ERC1: variants seen among roughly 807,000 people sequenced by gnomAD.
ERC1 encodes the protein ELKS/RAB6-interacting/CAST family member 1.
Under a neutral mutation model 132.0 loss-of-function variants are expected in ERC1, and 56 were observed. That is an observed-to-expected ratio of 0.42 (90% CI 0.34 to 0.53). The LOEUF is 0.53. Ranked by LOEUF, ERC1 falls within the 20% of genes least tolerant of loss-of-function variation. The pLI is 0.03. For synonymous variants in ERC1, 478 were observed against 476.1 expected, an observed-to-expected ratio of 1.00 and a Z score of -0.05; for missense variants, 1,202 against 1,349.9, an observed-to-expected ratio of 0.89 and a Z score of 1.72.
intron 13 of ERC1, among the ~76,000 whole-genome samples, chr12:1,243,165 G>A (rs1193689144): frequency 4.1e-5 from 6 of 145,764 alleles, no homozygotes; most frequent in African/African-American, 1.3e-4. Flanking sequence ...CCGCAGTCCG[G>A]CCTGGGCGAC....
At chr12:1,407,206 A>G (rs1591832719) in intron 16 of ERC1, among the ~76,000 whole-genome samples, 1 of 152,184 alleles carries the variant, frequency 6.6e-6, no homozygotes. Flanking sequence ...AGGGTTGAGG[A>G]GAAGGATTTC....
In ERC1 at chr12:1,338,956, T is replaced by C. The variant is rs1024547344; in HGVS notation, c.2781-32877T>C. 3.9e-5 allele frequency among the ~76,000 whole-genome samples: 6 copies of C among 152,228 alleles called. No homozygotes were observed. In the East Asian group the frequency reaches 1.2e-3, roughly 29 times the overall value. On this transcript the variant is annotated intron_variant, in intron 15 of 18. Transcript: ENST00000360905. ...GAAGTGCTCCACGATCACTGGTCAC[T>C]ACACTCTAATGGGTGGTGTCTGCCA...
chr12:1,097,407 T>G (rs1944171819), intron 3 of ERC1, among the ~76,000 whole-genome samples: 1 of 152,182 alleles, frequency 6.6e-6, no homozygotes, highest in East Asian at 1.9e-4. Context: ...AGAATAGCCT[T>G]TTCTCTAGGC....
intron 8 of ERC1, among the ~76,000 whole-genome samples, chr12:1,178,061 A>G (rs1160149013): frequency 6.6e-6 from 1 of 152,164 alleles, no homozygotes; most frequent in African/African-American, 2.4e-5. Context: ...TCAGTGGTTC[A>G]CCCATACGAT....
At chr12:1,259,520 CTTTT>C (rs201786277) in intron 13 of ERC1, among the ~76,000 whole-genome samples, 5 of 113,908 alleles carry the variant, frequency 4.4e-5, no homozygotes, top group Admixed American at 3.5e-4. Flanking sequence ...TTCTTTCTTT[CTTTT>C]TTTTTTTTTT....
At chr12:1,072,140 T>C (rs952895720) in intron 2 of ERC1, among the ~76,000 whole-genome samples, 3 of 151,436 alleles carry the variant, frequency 2.0e-5, no homozygotes, top group Non-Finnish European at 4.4e-5. Flanking sequence ...GCTGAAGTGA[T>C]ATGAAAGCTT....
At chr12:992,481 ATT>A (rs1959763708) in intron 1 of ERC1, among the ~76,000 whole-genome samples, 4 of 152,134 alleles carry the variant, frequency 2.6e-5, no homozygotes, top group Admixed American at 2.0e-4. Context: ...TTTATTTCTC[ATT>A]TGCAGTTATG....
At chr12:1,133,978 T>G (rs571765898) in intron 7 of ERC1, among the ~76,000 whole-genome samples, 5 of 152,240 alleles carry the variant, frequency 3.3e-5, no homozygotes, top group African/African-American at 1.2e-4. Context: ...TTTTTCTGCT[T>G]CTTTGCTTGT....
intron 2 of ERC1, among the ~76,000 whole-genome samples, chr12:1,039,349 A>AAT (rs1555211009): frequency 2.6e-4 from 39 of 148,368 alleles, no homozygotes; most frequent in African/African-American, 9.0e-4. Context: ...AAAAAAAAAA[A>AAT]AAATAAAAAT....
At chr12:1,434,239 T>C (rs2092887501) in intron 17 of ERC1, among the ~76,000 whole-genome samples, 1 of 152,260 alleles carries the variant, frequency 6.6e-6, no homozygotes, top group Admixed American at 6.5e-5. Flanking sequence ...TCACTAAAAC[T>C]GGACGTGGCT....
intron 14 of ERC1, among the ~76,000 whole-genome samples, chr12:1,285,930 A>G (rs2079013999): frequency 6.6e-6 from 1 of 152,198 alleles, no homozygotes; most frequent in Admixed American, 6.5e-5. Context: ...TGTACACAAA[A>G]AAGAAAAATG....
At chr12:1,081,134 A>G (rs1420862427) in intron 2 of ERC1, among the ~76,000 whole-genome samples, 2 of 152,172 alleles carry the variant, frequency 1.3e-5, no homozygotes, top group African/African-American at 2.4e-5. Flanking sequence ...CTTGAATACA[A>G]GGAATGATCT....
At position 1,112,279 on chromosome 12, in the gene ERC1, C is replaced by A. The variant is rs535707089; in HGVS notation, c.1382C>A (p.Ala461Glu). 12 of 1,612,686 alleles carry A rather than the reference C, an allele frequency of 7.4e-6. No individual in the cohort carries two copies. Among genetic ancestry groups the A allele is most frequent in the East Asian group, 6.7e-5 (3 of 44,868 alleles). ...CAATGGGAGGAGCTGAAAAAGAAAGCGGCTGGTCTTCAGGCTGAGGTCTTT... is the reference window on the plus strand; with the variant it reads ...CAATGGGAGGAGCTGAAAAAGAAAGAGGCTGGTCTTCAGGCTGAGGTCTTT... ...EAQWEELKKK[A>E]AGLQAEIGQV... Residue 461 changes from alanine (A) to glutamate (E), a missense_variant, in exon 6 of 19, where the codon GCG becomes GAG. Physicochemically the swap from Ala to Glu is moderately radical, Grantham distance 107. Coordinates refer to ENST00000360905, the MANE Select transcript of ERC1 (RefSeq NM_178040.4).
intron 15 of ERC1, among the ~76,000 whole-genome samples, chr12:1,329,917 G>C (rs193299729): frequency 6.6e-6 from 1 of 152,120 alleles, no homozygotes; most frequent in African/African-American, 2.4e-5. Context: ...TAGTGTGCTT[G>C]GTTTCTCCTT....
At chr12:1,330,287 C>CA (rs1371188903) in intron 15 of ERC1, among the ~76,000 whole-genome samples, 1 of 152,136 alleles carries the variant, frequency 6.6e-6, no homozygotes, top group Non-Finnish European at 1.5e-5. Context: ...TTTCTTCACT[C>CA]AAAACTTTGC....
intron 7 of ERC1, among the ~76,000 whole-genome samples, chr12:1,140,964 A>G (rs1381315994): frequency 1.3e-5 from 2 of 152,202 alleles, no homozygotes; most frequent in African/African-American, 4.8e-5. Context: ...GTTGAACAGC[A>G]CTGAATCTAT....
At chr12:1,487,207 C>G (rs2094233944) in intron 18 of ERC1, among the ~76,000 whole-genome samples, 1 of 152,070 alleles carries the variant, frequency 6.6e-6, no homozygotes, top group Non-Finnish European at 1.5e-5. Flanking sequence ...AAATCGGGCC[C>G]CTCAGTGTCC....
At chr12:1,155,906 A>G (rs1390767912) in intron 8 of ERC1, among the ~76,000 whole-genome samples, 1 of 151,986 alleles carries the variant, frequency 6.6e-6, no homozygotes, top group Non-Finnish European at 1.5e-5. Context: ...ACCAAAACAT[A>G]TGGAGTGAAA....
chr12:1,166,493 C>T (rs767882756), intron 8 of ERC1, among the ~76,000 whole-genome samples: 52 of 152,194 alleles, frequency 3.4e-4, no homozygotes, highest in Non-Finnish European at 7.3e-4. Context: ...GGCTTTCAGT[C>T]TTCACCTTGA....
Sources: allele counts gnomAD v4.1 joint callset (sites outside exome capture counted in the v4.1 genomes callset), GRCh38; gene constraint gnomAD v4.1.1; transcripts MANE v1.5; gene names NCBI Gene and HGNC (gene_info 2026-07-23, HGNC 2026-07-21).